PAAF1: variants seen among roughly 807,000 people sequenced by gnomAD.
The protein encoded by PAAF1 is proteasomal ATPase associated factor 1.
PAAF1 carries 46 observed loss-of-function variants against 52.8 expected under a neutral mutation model. The observed-to-expected ratio is 0.87, with a 90% confidence interval of 0.69 to 1.11. PAAF1 has a LOEUF of 1.11. PAAF1 is among the 50% of genes most tolerant of loss of function. The pLI is 0.00. For synonymous variants in PAAF1, 178 were observed against 172.8 expected (o/e 1.03, Z -0.24); for missense variants, 424 against 477.4 (o/e 0.89, Z 1.04).
rs767548143 is a variant in PAAF1, at chr11:73,909,400, T to C, written c.534T>C (p.Gly178=). ...TAGGGAGTTTTTTTCTCTTGCTAGG[T>C]ATCCTGGATACAGCCATCGTTGATC... ...CVVTFKGHKG[G]ILDTAIVDRG... is the part of the protein sequence containing the mutation. The change falls in exon 7 of 12, where the codon GGT becomes GGC. Residue 178 remains glycine (G), a splice_region_variant and synonymous_variant. Coordinates refer to ENST00000310571, the MANE Select transcript of PAAF1 (RefSeq NM_025155.3). 6.2e-7 allele frequency: 1 copy of C among 1,613,896 alleles called. No individual in the cohort carries two copies. Among genetic ancestry groups the C allele is most frequent in the East Asian group, 2.2e-5 (1 of 44,878 alleles).
At chr11:73,886,672 CAAAAAAAAAA>C (rs55697916) in intron 2 of PAAF1, among the ~76,000 whole-genome samples, 3 of 34,284 alleles carry the variant, frequency 8.8e-5, no homozygotes, top group African/African-American at 9.6e-5. Context: ...GACTCCATCT[CAAAAAAAAAA>C]AAAAAAAAAA....
At chr11:73,910,455 T>TA (rs1343307982) in intron 7 of PAAF1, among the ~76,000 whole-genome samples, 1 of 152,100 alleles carries the variant, frequency 6.6e-6, no homozygotes, top group African/African-American at 2.4e-5. Flanking sequence ...TATAAAAAGA[T>TA]ATGTTTGACT....
intron 10 of PAAF1, among the ~76,000 whole-genome samples, chr11:73,922,483 G>A (rs1030809002): frequency 1.3e-5 from 2 of 152,086 alleles, no homozygotes; most frequent in South Asian, 2.1e-4. Flanking sequence ...CTGTTTGGCC[G>A]CTCTGCCATG....
chr11:73,909,369 C>T, intron 6 of PAAF1, 30 bp from the exon 7 acceptor site: 1 of 1,607,590 alleles, frequency 6.2e-7, no homozygotes, highest in Non-Finnish European at 8.5e-7. Context: ...ACTCCATCCT[C>T]CATCTTAGGG....
chr11:73,884,101 C>T (rs1336912109), intron 2 of PAAF1, among the ~76,000 whole-genome samples: 1 of 152,096 alleles, frequency 6.6e-6, no homozygotes, highest in Non-Finnish European at 1.5e-5. Context: ...GAGCAGTACT[C>T]AGCAGCCTGC....
chr11:73,876,842 C>T (rs925780916), upstream of PAAF1: 2 of 609,898 alleles, frequency 3.3e-6, no homozygotes, highest in Non-Finnish European at 5.1e-6. Context: ...TCTGTACATC[C>T]TTTCAGGAAC....
chr11:73,907,016 AC>A (rs1039983864), intron 6 of PAAF1, among the ~76,000 whole-genome samples: 12 of 151,670 alleles, frequency 7.9e-5, no homozygotes, highest in Admixed American at 7.2e-4. Context: ...CTGTGTTTTT[AC>A]ACCTGTACCA....
intron 8 of PAAF1, among the ~76,000 whole-genome samples, chr11:73,914,779 C>T (rs1950020021): frequency 6.7e-6 from 1 of 150,012 alleles, no homozygotes; most frequent in East Asian, 2.0e-4. Flanking sequence ...CTCGGTTCAG[C>T]TCACTGCAAC....
intron 6 of PAAF1, among the ~76,000 whole-genome samples, chr11:73,906,404 C>T (rs181950187): frequency 1.3e-5 from 2 of 152,222 alleles, no homozygotes; most frequent in Non-Finnish European, 2.9e-5. Flanking sequence ...AGGCACCTGC[C>T]ACCACACCTG....
chr11:73,887,065 G>A (rs1949081915), intron 2 of PAAF1: 1 of 455,120 alleles, frequency 2.2e-6, no homozygotes, highest in African/African-American at 2.0e-5. Flanking sequence ...AGAAGCAGAT[G>A]CTGGTGCCAT....
intron 7 of PAAF1, among the ~76,000 whole-genome samples, chr11:73,912,355 G>GT (rs1949956105): frequency 6.6e-6 from 1 of 152,020 alleles, no homozygotes; most frequent in South Asian, 2.1e-4. Context: ...ACCCCAAACT[G>GT]TTTTTTTCCA....
At position 73,900,402 on chromosome 11, in the gene PAAF1, T is replaced by C; in HGVS notation, c.514T>C (p.Phe172Leu). The C allele has an allele frequency of 1.2e-6, 2 of 1,609,840 alleles. No homozygotes were observed. The highest frequency in any genetic ancestry group is 1.7e-6 in the Non-Finnish European group (2 of 1,177,194). The change falls in exon 6 of 12, where the codon TTC becomes CTC. Residue 172 changes from phenylalanine to leucine, a missense_variant. Phe to Leu is a conservative substitution (Grantham distance 22, BLOSUM62 0). Coordinates refer to ENST00000310571, the MANE Select transcript of PAAF1 (RefSeq NM_025155.3). ...SAEDASCVVT[F>L]KGHKGGILDT... ...TGAAGATGCTAGCTGCGTGGTGACCTTCAAAGGTCACAAAGGAGGTATGAA... is the reference window on the plus strand; with the variant it reads ...TGAAGATGCTAGCTGCGTGGTGACCCTCAAAGGTCACAAAGGAGGTATGAA...
rs79697609 is a variant in PAAF1 at position 73,900,529 on chromosome 11, A to G, written c.532+109A>G. 5.7e-5 allele frequency: 75 copies of G among 1,310,082 alleles called. No individual in the cohort carries two copies. In the African/African-American group the frequency reaches 1.0e-3, roughly 18 times the overall value. 81.2% of individuals were successfully genotyped at this position (1,310,082 alleles called of 1,614,324 possible). A position where few individuals can be genotyped will look rare whatever the true frequency, so the allele number is the denominator to read the frequency against. The stretch of plus-strand genomic sequence containing the variant: ...TCACAAATACACAAATAATCCATCC[A>G]GCTGGGCATTTAGATGAGCTGCCAT... On this transcript the variant is annotated intron_variant, in intron 6 of 11. Transcript: ENST00000310571.
chr11:73,897,756 T>C (rs957800934), intron 4 of PAAF1, among the ~76,000 whole-genome samples: 3 of 149,796 alleles, frequency 2.0e-5, no homozygotes, highest in African/African-American at 7.4e-5. Context: ...CAGGCAGAGA[T>C]GCTCCTCACT....
intron 6 of PAAF1, among the ~76,000 whole-genome samples, chr11:73,905,606 C>T (rs186695964): frequency 5.3e-5 from 8 of 151,812 alleles, no homozygotes; most frequent in Admixed American, 2.6e-4. Context: ...TTATTCTTGT[C>T]GTGTAAGTGT....
intron 4 of PAAF1, among the ~76,000 whole-genome samples, chr11:73,896,553 G>T (rs1370751735): frequency 2.0e-5 from 3 of 151,074 alleles, no homozygotes; most frequent in Non-Finnish European, 4.4e-5. Context: ...ATCTTGCACC[G>T]CCCTTAATCC....
At chr11:73,888,028 G>T (rs1236619282) in intron 3 of PAAF1, among the ~76,000 whole-genome samples, 1 of 152,170 alleles carries the variant, frequency 6.6e-6, no homozygotes, top group African/African-American at 2.4e-5. Context: ...GATTACAGGC[G>T]TGAGCTACCA....
At chr11:73,876,920 G>A, upstream of PAAF1, 2 of 1,163,552 alleles carry the variant, frequency 1.7e-6, no homozygotes, top group Non-Finnish European at 2.3e-6. Flanking sequence ...TTTCATTGGT[G>A]GCCTCTTGGT....
At chr11:73,922,319 C>G in intron 10 of PAAF1, 1 of 389,520 alleles carries the variant, frequency 2.6e-6, no homozygotes. Flanking sequence ...AAGATTATAA[C>G]TCTGTTTTCA....
Sources: allele counts gnomAD v4.1 joint callset (sites outside exome capture counted in the v4.1 genomes callset), GRCh38; gene constraint gnomAD v4.1.1; transcripts MANE v1.5; gene names NCBI Gene and HGNC (gene_info 2026-07-23, HGNC 2026-07-21).